CCDC80: variants seen among roughly 807,000 people sequenced by gnomAD.
The protein encoded by CCDC80 is coiled-coil domain-containing protein 80.
CCDC80 carries 49 observed loss-of-function variants against 78.7 expected under a neutral mutation model. The observed-to-expected ratio is 0.62, with a 90% CI of 0.50 to 0.79. The LOEUF (loss-of-function observed/expected upper bound fraction) is 0.79. Ranked by LOEUF, CCDC80 falls within the 30% of genes least tolerant of loss-of-function variation. The probability of loss-of-function intolerance (pLI) is 0.00; values close to 1 mark genes in which losing one functional copy is unlikely to be tolerated. For missense variants in CCDC80, 1,205 were observed against 1,198.6 expected (o/e 1.01, Z -0.08); for synonymous variants, 488 against 447.0 (o/e 1.09, Z -1.16).
chr3:112,608,500 T>C (rs1935557830), intron 6 of CCDC80, among the ~76,000 whole-genome samples: 1 of 152,218 alleles, frequency 6.6e-6, no homozygotes, highest in African/African-American at 2.4e-5. Context: ...ATTTTGGGTA[T>C]AGTACAAAAG....
intron 3 of CCDC80, among the ~76,000 whole-genome samples, chr3:112,625,870 G>GA: frequency 6.6e-6 from 1 of 151,660 alleles, no homozygotes; most frequent in Admixed American, 6.6e-5. Context: ...GTATTTCTTT[G>GA]AAAAATTAAA....
intron 2 of CCDC80, among the ~76,000 whole-genome samples, chr3:112,631,022 A>T (rs1347816095): frequency 6.6e-6 from 1 of 152,148 alleles, no homozygotes; most frequent in Admixed American, 6.5e-5. Context: ...GGGGAAAAAA[A>T]AAAGAGGAAA....
rs1389849215 is a variant in CCDC80 at position 112,599,152 on chromosome 3, C to T, written c.*6265G>A. ...ACTGAGGCCCATAGGTAAAACATCT[C>T]ACCTCCAGTCACACAGGTAAGTACA... On this transcript the variant is annotated 3_prime_UTR_variant, in exon 8 of 8. Transcript: ENST00000206423. 3.3e-5 allele frequency: 5 copies of T among 152,138 alleles called. No homozygotes were observed. Among genetic ancestry groups the T allele is most frequent in the Non-Finnish European group, 1.5e-5 (1 of 68,022 alleles). The allele number at this position is 152,138 out of a possible 1,614,324, so 9.4% of individuals were successfully genotyped here.
At chr3:112,625,488 A>G (rs1008342647) in intron 3 of CCDC80, among the ~76,000 whole-genome samples, 1 of 152,236 alleles carries the variant, frequency 6.6e-6, no homozygotes, top group Non-Finnish European at 1.5e-5. Flanking sequence ...TATATGTGTA[A>G]GAACAAAATA....
chr3:112,616,919 G>A lies in CCDC80; in HGVS notation c.2173-61C>T, dbSNP rs143738135. The A allele has an allele frequency of 1.5e-5, 23 of 1,550,888 alleles. No homozygotes were observed. The African/African-American group carries it at 2.2e-4, about 15-fold the overall frequency. ...AGTGCATTTCTTCTCTCTATTCAGA[G>A]GATAGAGAACCTGTGAGAATTCAGA... On this transcript the variant is annotated intron_variant, in intron 4 of 7. Transcript: ENST00000206423.
In CCDC80 at chr3:112,616,697, A is replaced by G. The variant is rs769709651; in HGVS notation, c.2321+13T>C. 4 of 1,613,882 alleles carry G rather than the reference A, an allele frequency of 2.5e-6. No homozygotes were observed. The South Asian group carries it at 4.4e-5, about 18-fold the overall frequency. ...TTGCACCTTCCTCTTTAGCGACTCC[A>G]AAGGTGATGTACCTGGATAGGAAGT... On this transcript the variant is annotated intron_variant, in intron 5 of 7. Transcript: ENST00000206423.
chr3:112,606,740 G>A (rs532199244), intron 7 of CCDC80, among the ~76,000 whole-genome samples: 113 of 152,064 alleles, frequency 7.4e-4, no homozygotes, highest in Non-Finnish European at 1.3e-3. Flanking sequence ...GAGCCTTTTA[G>A]TGTATGTGTC....
chr3:112,607,360 A>C (rs1380340169), intron 6 of CCDC80, 104 bp from the exon 7 acceptor site: 4 of 770,942 alleles, frequency 5.2e-6, no homozygotes, highest in African/African-American at 1.8e-5. Flanking sequence ...AAATTTAAAA[A>C]GAATATAGAG....
At chr3:112,636,381 T>G (rs1309524857) in intron 2 of CCDC80, among the ~76,000 whole-genome samples, 1 of 152,174 alleles carries the variant, frequency 6.6e-6, no homozygotes, top group Admixed American at 6.5e-5. Flanking sequence ...AAGGCTCTGG[T>G]TAGATATTCC....
Position 112,602,815 on chromosome 3 carries a change from G to A in CCDC80, c.*2602C>T, listed in dbSNP as rs1935397445. 6.6e-6 allele frequency: 1 copy of A among 152,262 alleles called. No individual in the cohort carries two copies. Among genetic ancestry groups the A allele is most frequent in the Non-Finnish European group, 1.5e-5 (1 of 68,066 alleles). The allele number at this position is 152,262 out of a possible 1,614,324, so 9.4% of individuals were successfully genotyped here. A position where few individuals can be genotyped will look rare whatever the true frequency, so the allele number is the denominator to read the frequency against. ...GCAAAGTAAAGCAGCAAATGTTGATGTAGAAGCTGCAGTAAGTTATCCAGA... is the reference window on the plus strand; with the variant it reads ...GCAAAGTAAAGCAGCAAATGTTGATATAGAAGCTGCAGTAAGTTATCCAGA... On this transcript the variant is annotated 3_prime_UTR_variant, in exon 8 of 8. Transcript: ENST00000206423.
rs1935371432 is a variant in CCDC80 at position 112,601,400 on chromosome 3, C to G, written c.*4017G>C. 1 of 152,008 alleles carries G rather than the reference C, an allele frequency of 6.6e-6. No homozygotes were observed. Among genetic ancestry groups the G allele is most frequent in the Non-Finnish European group, 1.5e-5 (1 of 68,006 alleles). The allele number at this position is 152,008 out of a possible 1,614,324, so 9.4% of individuals were successfully genotyped here. A position where few individuals can be genotyped will look rare whatever the true frequency, so the allele number is the denominator to read the frequency against. ...AATGATTAATAACAGTGGAAAATAG[C>G]CTTCCCATTATTGTTAGAGGATGGT... is the stretch of plus-strand genomic sequence containing the variant. On this transcript the variant is annotated 3_prime_UTR_variant, in exon 8 of 8. Transcript: ENST00000206423.
At chr3:112,620,365 A>C (rs568420347) in intron 3 of CCDC80, among the ~76,000 whole-genome samples, 2 of 152,232 alleles carry the variant, frequency 1.3e-5, no homozygotes, top group Non-Finnish European at 2.9e-5. Flanking sequence ...CTGAGAGCCT[A>C]GATGAGAACC....
At position 112,596,834 on chromosome 3, in the gene CCDC80, AC is replaced by A. The variant is rs1421843673; in HGVS notation, c.*8582del. ...TTTATTTACAGGCAAAGGATATAGT[AC>A]AAGAAGAAAAAGAGAATACAGATGA... On this transcript the variant is annotated 3_prime_UTR_variant, in exon 8 of 8. Transcript: ENST00000206423. 8 of 152,134 alleles carry A rather than the reference AC, an allele frequency of 5.3e-5. No homozygotes were observed. Among genetic ancestry groups the A allele is most frequent in the Non-Finnish European group, 8.8e-5 (6 of 68,012 alleles). 9.4% of individuals were successfully genotyped at this position (152,134 alleles called of 1,614,324 possible). A position where few individuals can be genotyped will look rare whatever the true frequency, so the allele number is the denominator to read the frequency against.
chr3:112,639,591 C>T lies in CCDC80; in HGVS notation c.315G>A (p.Glu105=). The T allele has an allele frequency of 6.2e-7, 1 of 1,614,174 alleles. No homozygotes were observed. Among genetic ancestry groups the T allele is most frequent in the Middle Eastern group, 1.6e-4 (1 of 6,062 alleles). ...SDINGAAVRP[E]QRPAARGSPR... ...GAGAGCCCCTGGCTGCTGGTCTTTG[C>T]TCAGGTCTCACGGCGGCCCCATTGA... Residue 105 remains glutamate (E), a synonymous_variant, in exon 2 of 8, where the codon GAG becomes GAA. Transcript: ENST00000206423.
intron 2 of CCDC80, among the ~76,000 whole-genome samples, chr3:112,637,190 A>C (rs1936223928): frequency 6.6e-6 from 1 of 152,198 alleles, no homozygotes; most frequent in African/African-American, 2.4e-5. Flanking sequence ...CCTTTTTCAC[A>C]CACTGATGCA....
chr3:112,633,920 G>T (rs1210268970), intron 2 of CCDC80, among the ~76,000 whole-genome samples: 1 of 152,158 alleles, frequency 6.6e-6, no homozygotes, highest in African/African-American at 2.4e-5. Flanking sequence ...TTTCCAGTTT[G>T]ATGGCAATAA....
intron 3 of CCDC80, among the ~76,000 whole-genome samples, chr3:112,624,930 T>C (rs1444430082): frequency 6.6e-6 from 1 of 152,074 alleles, no homozygotes; most frequent in African/African-American, 2.4e-5. Context: ...TAATAGCAAA[T>C]CAGAATCACC....
chr3:112,628,770 C>G (rs1936031796), intron 3 of CCDC80, among the ~76,000 whole-genome samples: 1 of 151,334 alleles, frequency 6.6e-6, no homozygotes, highest in African/African-American at 2.4e-5. Context: ...AATAAATCAT[C>G]AATCCACAAT....
At chr3:112,615,815 G>A (rs1935724771) in intron 5 of CCDC80, among the ~76,000 whole-genome samples, 3 of 152,072 alleles carry the variant, frequency 2.0e-5, no homozygotes, top group South Asian at 2.1e-4. Context: ...GTTTACAAAC[G>A]CCATGGCAAC....
Sources: allele counts gnomAD v4.1 joint callset (sites outside exome capture counted in the v4.1 genomes callset), GRCh38; gene constraint gnomAD v4.1.1; transcripts MANE v1.5; gene names NCBI Gene and HGNC (gene_info 2026-07-23, HGNC 2026-07-21).